Variants in THRAP3 observed in about 807,000 individuals in gnomAD.
THRAP3 encodes the protein thyroid hormone receptor associated protein 3, also known as thyroid hormone receptor-associated protein 3.
In THRAP3, 16 loss-of-function variants were observed where a neutral mutation model predicts 101.0. The observed-to-expected ratio is 0.16, with a 90% CI of 0.11 to 0.24. The LOEUF (loss-of-function observed/expected upper bound fraction) is 0.24. Among genes scored for constraint, THRAP3 ranks in the 10% least tolerant of loss-of-function variants. The probability of loss-of-function intolerance (pLI) is 1.00; values close to 1 mark genes in which losing one functional copy is unlikely to be tolerated. For synonymous variants in THRAP3, 407 were observed against 422.6 expected (o/e 0.96, Z 0.45); for missense variants, 989 against 1,202.7 (o/e 0.82, Z 2.63).
the THRAP3 span, among the ~76,000 whole-genome samples, chr1:36,219,224 T>G: frequency 6.6e-6 from 1 of 152,072 alleles, no homozygotes; most frequent in East Asian, 1.9e-4. Context: ...CTGTGAAGAT[T>G]GAAAGAATTG....
chr1:36,253,939 T>A (rs1570270944), intron 1 of THRAP3, among the ~76,000 whole-genome samples: 2 of 151,898 alleles, frequency 1.3e-5, no homozygotes, highest in African/African-American at 4.8e-5. Flanking sequence ...TAAGAAACAT[T>A]ATCAACTCTG....
chr1:36,247,082 G>C (rs566227469), intron 1 of THRAP3, among the ~76,000 whole-genome samples: 1 of 151,910 alleles, frequency 6.6e-6, no homozygotes, highest in Non-Finnish European at 1.5e-5. Flanking sequence ...ACTTTGGGAG[G>C]CTGAGGCGGG....
Position 36,289,476 on chromosome 1 carries a change from A to G in THRAP3, c.1457A>G (p.Lys486Arg), listed in dbSNP as rs763615810. 6.2e-7 allele frequency: 1 copy of G among 1,614,218 alleles called. No homozygotes were observed. Among genetic ancestry groups the G allele is most frequent in the South Asian group, 1.1e-5 (1 of 91,084 alleles). Residue 486 changes from lysine (K) to arginine (R), a missense_variant, in exon 5 of 12, where the codon AAA (lysine) becomes AGA (arginine). By Grantham distance (26) the Lys-to-Arg change is conservative. Transcript: ENST00000354618. ...CCTCCAGGGAAGGAAAAGCAGAGAA[A>G]AACAGAGGAGCTGGAGGAGGAGTCT... is the stretch of plus-strand genomic sequence containing the variant. ...YAPPGKEKQR[K>R]TEELEEESFP...
chr1:36,292,785 C>T, intron 7 of THRAP3, 76 bp downstream of exon 7: 1 of 1,131,798 alleles, frequency 8.8e-7, no homozygotes, highest in South Asian at 1.4e-5. Flanking sequence ...TTGTTAAATT[C>T]TGCTGCTAAT....
At chr1:36,265,481 T>G (rs1450130080) in intron 2 of THRAP3, among the ~76,000 whole-genome samples, 3 of 96,218 alleles carry the variant, frequency 3.1e-5, no homozygotes, top group South Asian at 3.3e-4. Context: ...TTTTTTTTTT[T>G]GCTGCATCTA....
chr1:36,296,782 CCT>C lies in THRAP3; in HGVS notation c.2303+13_2303+14del, dbSNP rs761593010. On this transcript the variant is annotated intron_variant, in intron 9 of 11. Transcript: ENST00000354618. ...TCAAAGAAACAGAAGTACGTAAGCC[CCT>C]GTTACCCCTTCCAGACTCTTAAGTT... The C allele has an allele frequency of 2.6e-6, 4 of 1,566,520 alleles. No individual in the cohort carries two copies. The highest frequency in any genetic ancestry group is 3.4e-6 in the Non-Finnish European group (4 of 1,162,832).
chr1:36,212,255 C>T, the THRAP3 span, among the ~76,000 whole-genome samples: 1 of 152,094 alleles, frequency 6.6e-6, no homozygotes, highest in Non-Finnish European at 1.5e-5. Flanking sequence ...AGTGGTTCAG[C>T]CACGGTCTCA....
intron 1 of THRAP3, among the ~76,000 whole-genome samples, chr1:36,243,151 CTTTTTT>C (rs58340320): frequency 0.02 from 1,233 of 60,876 alleles, 15 homozygotes; most frequent in African/African-American, 0.067. Context: ...GAGGAACTTT[CTTTTTT>C]TTTTTTTTTT....
chr1:36,212,421 T>A, the THRAP3 span, among the ~76,000 whole-genome samples: 1 of 145,270 alleles, frequency 6.9e-6, no homozygotes, highest in African/African-American at 2.6e-5. Context: ...TTTCTTTCTT[T>A]TTTTTTTTTT....
chr1:36,279,424 C>CA (rs1019749996), intron 2 of THRAP3, among the ~76,000 whole-genome samples: 45 of 151,940 alleles, frequency 3.0e-4, no homozygotes, highest in African/African-American at 9.9e-4. Context: ...TAAGAACAAC[C>CA]AAAAAAACAA....
chr1:36,286,537 G>A lies in THRAP3; in HGVS notation c.307G>A (p.Gly103Ser). Reference protein sequence around the residue: ...FYPWGQYNRGGYGNYRSNWQN... With the variant: ...FYPWGQYNRGSYGNYRSNWQN... Reference sequence around the variant, plus strand: ...TCCATGGGGCCAATATAACCGAGGAGGCTATGGAAACTACCGCTCAAATTG... The same window carrying A: ...TCCATGGGGCCAATATAACCGAGGAAGCTATGGAAACTACCGCTCAAATTG... Residue 103 changes from glycine (G) to serine (S), a missense_variant, in exon 4 of 12, where the codon GGC becomes AGC. Physicochemically the swap from Gly to Ser is moderately conservative, Grantham distance 56. Coordinates refer to ENST00000354618, the MANE Select transcript of THRAP3 (RefSeq NM_005119.4). This position sits in a 1 kb window ranked among gnomAD's most constrained non-coding sequence, Gnocchi z 5.5. 2 of 1,614,156 alleles carry A rather than the reference G, an allele frequency of 1.2e-6. No individual in the cohort carries two copies. Among genetic ancestry groups the A allele is most frequent in the Non-Finnish European group, 1.7e-6 (2 of 1,180,032 alleles).
intron 2 of THRAP3, among the ~76,000 whole-genome samples, chr1:36,262,960 T>TTA (rs1491094231): frequency 7.0e-5 from 3 of 43,162 alleles, no homozygotes; most frequent in Non-Finnish European, 1.9e-4. Flanking sequence ...GGCCGGCTAA[T>TTA]TTTTTTTTTT....
At chr1:36,208,134 G>C in the THRAP3 span, among the ~76,000 whole-genome samples, 1 of 152,198 alleles carries the variant, frequency 6.6e-6, no homozygotes, top group Non-Finnish European at 1.5e-5. Flanking sequence ...ACTAAACACA[G>C]GCACTGTGAG....
At chr1:36,232,313 T>C (rs56131853) in intron 1 of THRAP3, among the ~76,000 whole-genome samples, 12,812 of 152,192 alleles carry the variant, frequency 0.084, 762 homozygotes, top group Middle Eastern at 0.23. Context: ...TAAGTTCTTA[T>C]TACTTAAGTG....
intron 2 of THRAP3, among the ~76,000 whole-genome samples, chr1:36,260,790 C>G (rs536770832): frequency 5.4e-4 from 78 of 145,322 alleles, no homozygotes; most frequent in African/African-American, 1.9e-3. Context: ...CCACTGCACT[C>G]TAGCCTGGGC....
In THRAP3 at chr1:36,305,141, A is replaced by G. The variant is rs1570362642; in HGVS notation, c.*1124A>G. On this transcript the variant is annotated 3_prime_UTR_variant, in exon 12 of 12. Transcript: ENST00000354618. ...GGCGGTCCTGAGCAGGTGAATCATA[A>G]GGCATTTATGCATATGTTATATGCG... is the stretch of plus-strand genomic sequence containing the variant. 4.6e-6 allele frequency: 1 copy of G among 219,162 alleles called. No individual in the cohort carries two copies. The highest frequency in any genetic ancestry group is 6.6e-5 in the East Asian group (1 of 15,250). 13.6% of individuals were successfully genotyped at this position (219,162 alleles called of 1,614,324 possible). A position where few individuals can be genotyped will look rare whatever the true frequency, so the allele number is the denominator to read the frequency against.
chr1:36,210,151 G>A, the THRAP3 span, among the ~76,000 whole-genome samples: 1 of 151,884 alleles, frequency 6.6e-6, no homozygotes, highest in African/African-American at 2.4e-5. Context: ...AGGATCACAA[G>A]GTCAGAAGAT....
chr1:36,301,559 C>T lies in THRAP3; in HGVS notation c.2509C>T (p.Arg837Ter). 1 of 1,612,690 alleles carries T rather than the reference C, an allele frequency of 6.2e-7. No individual in the cohort carries two copies. The highest frequency in any genetic ancestry group is 8.5e-7 in the Non-Finnish European group (1 of 1,179,532). Reference sequence around the variant, plus strand: ...CCCTCATTTATTGCAATAGCAGTTTCGAGCCAGAGGAAGAGGCTGGGGCAG... The same window carrying T: ...CCCTCATTTATTGCAATAGCAGTTTTGAGCCAGAGGAAGAGGCTGGGGCAG... Reference protein sequence around the residue: ...GGRARGTFQFRARGRGWGRGN... With the variant: ...GGRARGTFQF Residue 837 changes from arginine (R) to a stop codon, truncating the protein, a stop_gained, in exon 11 of 12, where the codon CGA becomes TGA. Coordinates refer to ENST00000354618, the MANE Select transcript of THRAP3 (RefSeq NM_005119.4). LOFTEE classifies it high-confidence loss of function.
rs1016080471 is a variant in THRAP3 at position 36,283,186 on chromosome 1, G to A, written c.137+486G>A. On this transcript the variant is annotated intron_variant, in intron 3 of 11. Coordinates refer to ENST00000354618, the MANE Select transcript of THRAP3 (RefSeq NM_005119.4). ...TATACAATGTGCCAATTACTAACAA[G>A]CTGCATCTGTTTAGTAAATGTATCT... Among the ~76,000 whole-genome samples, 8 of 152,176 alleles carry A rather than the reference G, an allele frequency of 5.3e-5. No homozygotes were observed. In the East Asian group the frequency reaches 1.5e-3, roughly 29 times the overall value.
Sources: gnomAD v4.1 joint callset for allele counts (sites outside exome capture counted in the v4.1 genomes callset) on GRCh38, gnomAD v4.1.1 for gene constraint, Gnocchi (gnomAD v3.1) non-coding constraint, MANE v1.5 for transcripts, NCBI Gene and HGNC (gene_info 2026-07-23, HGNC 2026-07-21) for gene names.